Variants in SHQ1 observed in about 807,000 individuals in gnomAD.
The protein encoded by SHQ1 is SHQ1, H/ACA ribonucleoprotein assembly factor.
In SHQ1, 49 loss-of-function variants were observed where a neutral mutation model predicts 53.8. The observed-to-expected ratio is 0.91, with a 90% confidence interval of 0.72 to 1.16. The LOEUF is 1.16. Ranked by LOEUF, SHQ1 falls within the 50% of genes most tolerant of loss-of-function variation. The pLI is 0.00. For missense variants in SHQ1, 738 were observed against 683.1 expected, an observed-to-expected ratio of 1.08 and a Z score of -0.90; for synonymous variants, 243 against 251.0, an observed-to-expected ratio of 0.97 and a Z score of 0.30.
intron 1 of SHQ1, among the ~76,000 whole-genome samples, chr3:72,847,355 A>G (rs1708371731): frequency 6.6e-6 from 1 of 152,190 alleles, no homozygotes; most frequent in African/African-American, 2.4e-5. Context: ...GAGGATGGAT[A>G]AAGAGAAGGA....
chr3:72,771,362 G>A (rs1705846787), intron 10 of SHQ1, among the ~76,000 whole-genome samples: 2 of 152,180 alleles, frequency 1.3e-5, no homozygotes, highest in South Asian at 2.1e-4. Context: ...AGTAACAGGT[G>A]GATGGGATAT....
chr3:72,763,898 T>C (rs1220019181), intron 10 of SHQ1, among the ~76,000 whole-genome samples: 1 of 152,120 alleles, frequency 6.6e-6, no homozygotes, highest in Non-Finnish European at 1.5e-5. Flanking sequence ...TCTGTGGTAA[T>C]TTGTTACAGC....
At chr3:72,798,979 T>C (rs1706708081) in intron 9 of SHQ1, among the ~76,000 whole-genome samples, 1 of 152,134 alleles carries the variant, frequency 6.6e-6, no homozygotes, top group South Asian at 2.1e-4. Flanking sequence ...CTTGGCCTTC[T>C]GGCTAAGATC....
At chr3:72,839,408 G>A (rs138953860) in intron 4 of SHQ1, among the ~76,000 whole-genome samples, 35 of 152,318 alleles carry the variant, frequency 2.3e-4, no homozygotes, top group Non-Finnish European at 4.3e-4. Context: ...TAGAAGGAAG[G>A]CTATTTCACC....
chr3:72,726,001 G>GA, the SHQ1 span, among the ~76,000 whole-genome samples: 1 of 152,176 alleles, frequency 6.6e-6, no homozygotes, highest in African/African-American at 2.4e-5. Flanking sequence ...TGGGTGGGGT[G>GA]ATGCAGCTAT....
chr3:72,802,409 C>T (rs998619316), intron 9 of SHQ1, among the ~76,000 whole-genome samples: 2 of 152,118 alleles, frequency 1.3e-5, no homozygotes, highest in Admixed American at 6.5e-5. Context: ...AGCCTCTCAC[C>T]GGCTCCAATG....
chr3:72,780,642 G>T (rs573196449), intron 10 of SHQ1, among the ~76,000 whole-genome samples: 2 of 152,146 alleles, frequency 1.3e-5, no homozygotes, highest in African/African-American at 2.4e-5. Context: ...AACATCTTTG[G>T]GGGTGTAAAT....
chr3:72,753,008 A>G (rs1705421634), intron 10 of SHQ1: 1 of 985,372 alleles, frequency 1.0e-6, no homozygotes, highest in Non-Finnish European at 1.2e-6. Context: ...ATAATATTAC[A>G]TTGTATCGAG....
intron 5 of SHQ1, among the ~76,000 whole-genome samples, chr3:72,830,763 T>C (rs1032929042): frequency 6.6e-6 from 1 of 152,112 alleles, no homozygotes; most frequent in Non-Finnish European, 1.5e-5. Context: ...CTTTGAGAAG[T>C]GGAAAGAATA....
At chr3:72,822,652 C>G (rs1465124027) in intron 6 of SHQ1, among the ~76,000 whole-genome samples, 2 of 152,168 alleles carry the variant, frequency 1.3e-5, no homozygotes, top group Non-Finnish European at 2.9e-5. Context: ...TGACTCAAAC[C>G]AGTTGACACA....
intron 9 of SHQ1, among the ~76,000 whole-genome samples, chr3:72,804,212 C>T (rs947766745): frequency 5.9e-5 from 9 of 152,296 alleles, no homozygotes; most frequent in African/African-American, 2.2e-4. Context: ...GCATGAGCCA[C>T]CATACCTGTC....
downstream of SHQ1, among the ~76,000 whole-genome samples, chr3:72,745,039 T>A (rs540855644): frequency 2.0e-4 from 31 of 152,268 alleles, no homozygotes; most frequent in East Asian, 5.2e-3. Flanking sequence ...TTTCCATTTA[T>A]TTTAGAGATA....
chr3:72,804,730 C>T (rs536851673), intron 9 of SHQ1, among the ~76,000 whole-genome samples: 17 of 152,316 alleles, frequency 1.1e-4, no homozygotes, highest in African/African-American at 3.8e-4. Flanking sequence ...GTGGCTCACA[C>T]CTGTCAACCA....
In SHQ1 at chr3:72,756,380, A is replaced by G. The variant is rs187110110; in HGVS notation, c.1182-5544T>C. 3.3e-4 allele frequency among the ~76,000 whole-genome samples: 50 copies of G among 152,198 alleles called. No homozygotes were observed. The South Asian group carries it at 3.7e-3, about 11-fold the overall frequency. ...AACCTCCACCTCCCTGGTTCAAGTG[A>G]TTCTCCTGCATCAGCCTCCCGAGTA... is the stretch of plus-strand genomic sequence containing the variant. On this transcript the variant is annotated intron_variant, in intron 10 of 10. Coordinates refer to ENST00000325599, the MANE Select transcript of SHQ1 (RefSeq NM_018130.3).
chr3:72,727,320 C>G, the SHQ1 span, among the ~76,000 whole-genome samples: 2 of 152,200 alleles, frequency 1.3e-5, no homozygotes, highest in Non-Finnish European at 2.9e-5. Context: ...CGGCTGCCCC[C>G]TCCCAAGCCT....
At position 72,792,903 on chromosome 3, in the gene SHQ1, T is replaced by C. The variant is rs1199612291; in HGVS notation, c.1181+13A>G. On this transcript the variant is annotated intron_variant, in intron 10 of 10. Transcript: ENST00000325599. ...ACATCTAAAAATTCGTAAGTAACTCTATGAAAACTTACTTGACTTTCTGAA... is the reference window on the plus strand; with the variant it reads ...ACATCTAAAAATTCGTAAGTAACTCCATGAAAACTTACTTGACTTTCTGAA... 3 of 1,595,844 alleles carry C rather than the reference T, an allele frequency of 1.9e-6. No homozygotes were observed. Among genetic ancestry groups the C allele is most frequent in the Non-Finnish European group, 2.6e-6 (3 of 1,170,902 alleles).
the SHQ1 span, among the ~76,000 whole-genome samples, chr3:72,733,633 C>T: frequency 1.3e-5 from 2 of 151,552 alleles, no homozygotes; most frequent in Non-Finnish European, 2.9e-5. Flanking sequence ...GATTATCACC[C>T]ACATTTCACA....
chr3:72,841,230 G>C, intron 3 of SHQ1, 31 bp from the exon 4 acceptor site: 1 of 1,571,238 alleles, frequency 6.4e-7, no homozygotes, highest in Non-Finnish European at 8.6e-7. Flanking sequence ...TTTTTTTTAA[G>C]TATTGGATTT....
chr3:72,817,659 C>T lies in SHQ1; in HGVS notation c.728-275G>A, dbSNP rs988850671. Among the ~76,000 whole-genome samples the T allele has an allele frequency of 3.9e-5, 6 of 152,148 alleles. No individual in the cohort carries two copies. The East Asian group carries it at 7.7e-4, about 20-fold the overall frequency. ...CCCTTTTTTGCTACACTGTTCTGTA[C>T]TTAAGACGTCTGAATGCCAGTTACT... On this transcript the variant is annotated intron_variant, in intron 6 of 10. Coordinates refer to ENST00000325599, the MANE Select transcript of SHQ1 (RefSeq NM_018130.3).
Sources: allele counts gnomAD v4.1 joint callset (sites outside exome capture counted in the v4.1 genomes callset), GRCh38; gene constraint gnomAD v4.1.1; transcripts MANE v1.5; gene names NCBI Gene and HGNC (gene_info 2026-07-23, HGNC 2026-07-21).